The following NAALADL2 variants were observed in gnomAD, a reference collection of about 807,000 sequenced individuals.
The protein encoded by NAALADL2 is inactive N-acetylated-alpha-linked acidic dipeptidase-like protein 2.
In NAALADL2, 76 loss-of-function variants were observed where a neutral mutation model predicts 87.2. The observed-to-expected ratio is 0.87, with a 90% CI of 0.72 to 1.05. The LOEUF (loss-of-function observed/expected upper bound fraction) is 1.05. Among genes scored for constraint, NAALADL2 ranks in the 50% least tolerant of loss-of-function variants. The pLI is 0.00. For missense variants in NAALADL2, 1,089 were observed against 945.8 expected (o/e 1.15, Z -1.99); for synonymous variants, 354 against 331.0 (o/e 1.07, Z -0.75).
At chr3:174,564,949 C>T (rs1235814185) in intron 2 of NAALADL2, among the ~76,000 whole-genome samples, 3 of 151,564 alleles carry the variant, frequency 2.0e-5, no homozygotes, top group Non-Finnish European at 2.9e-5. Flanking sequence ...TTTATTTTTA[C>T]AGTTTTTTTA....
At chr3:175,336,558 G>A (rs1420670163) in intron 5 of NAALADL2, among the ~76,000 whole-genome samples, 1 of 152,220 alleles carries the variant, frequency 6.6e-6, no homozygotes, top group Non-Finnish European at 1.5e-5. Flanking sequence ...GGGCAGGGCT[G>A]ATTAGATCAC....
intron 1 of NAALADL2, among the ~76,000 whole-genome samples, chr3:174,548,334 C>T (rs543013030): frequency 4.6e-5 from 7 of 152,076 alleles, no homozygotes; most frequent in African/African-American, 1.7e-4. Context: ...CAGAATTGGA[C>T]TCACAGTACA....
intron 2 of NAALADL2, among the ~76,000 whole-genome samples, chr3:174,702,388 A>G (rs1729640359): frequency 6.6e-6 from 1 of 152,148 alleles, no homozygotes; most frequent in Non-Finnish European, 1.5e-5. Context: ...CATGACATAA[A>G]TGGGCAATTA....
chr3:175,063,277 T>C lies in NAALADL2; in HGVS notation c.44-33513T>C, dbSNP rs544077296. Among the ~76,000 whole-genome samples, 12 of 152,210 alleles carry C rather than the reference T, an allele frequency of 7.9e-5. No homozygotes were observed. In the South Asian group the frequency reaches 2.5e-3, roughly 32 times the overall value. Reference sequence around the variant, plus strand: ...TTTTTATCGCTTGTTAGTTAAATAGTATTTAAAAATTAAACAATTGATTTG... The same window carrying C: ...TTTTTATCGCTTGTTAGTTAAATAGCATTTAAAAATTAAACAATTGATTTG... On this transcript the variant is annotated intron_variant, in intron 1 of 13. Transcript: ENST00000454872.
At chr3:174,514,212 G>C (rs1263033394) in intron 1 of NAALADL2, among the ~76,000 whole-genome samples, 2 of 151,914 alleles carry the variant, frequency 1.3e-5, no homozygotes, top group Non-Finnish European at 2.9e-5. Context: ...TCCATATTTT[G>C]CCCTTTAATT....
chr3:175,015,931 G>T (rs1050909156), intron 1 of NAALADL2, among the ~76,000 whole-genome samples: 1 of 151,736 alleles, frequency 6.6e-6, no homozygotes, highest in Non-Finnish European at 1.5e-5. Context: ...TTGTTAGTTT[G>T]TTGACATAAA....
At chr3:175,497,272 T>C (rs1728951512) in intron 9 of NAALADL2, among the ~76,000 whole-genome samples, 1 of 152,232 alleles carries the variant, frequency 6.6e-6, no homozygotes, top group Non-Finnish European at 1.5e-5. Flanking sequence ...GCTCAGCCCT[T>C]AACTAAAACA....
At chr3:175,265,468 C>G (rs1179464114) in intron 4 of NAALADL2, among the ~76,000 whole-genome samples, 1 of 151,558 alleles carries the variant, frequency 6.6e-6, no homozygotes, top group Non-Finnish European at 1.5e-5. Context: ...ATATATGGCT[C>G]TAAGTTCTCG....
intron 1 of NAALADL2, among the ~76,000 whole-genome samples, chr3:175,073,482 C>T (rs1716027131): frequency 6.6e-6 from 1 of 151,976 alleles, no homozygotes; most frequent in Non-Finnish European, 1.5e-5. Flanking sequence ...GAGAGGTTAC[C>T]ACGGTTACCT....
chr3:175,292,240 A>T (rs924734490), intron 4 of NAALADL2, among the ~76,000 whole-genome samples: 7 of 152,202 alleles, frequency 4.6e-5, no homozygotes, highest in Non-Finnish European at 8.8e-5. Flanking sequence ...CATGAACAAA[A>T]ATGAAAAGCA....
intron 2 of NAALADL2, among the ~76,000 whole-genome samples, chr3:174,713,933 G>C (rs952362875): frequency 6.6e-6 from 1 of 151,976 alleles, no homozygotes; most frequent in African/African-American, 2.4e-5. Context: ...TATGGTTTTA[G>C]GTCTAACATT....
chr3:175,126,758 T>A (rs2108600337), intron 2 of NAALADL2, among the ~76,000 whole-genome samples: 1 of 151,892 alleles, frequency 6.6e-6, no homozygotes, highest in South Asian at 2.1e-4. Context: ...GGTAAACACA[T>A]AAATATTTGC....
chr3:174,907,161 G>C (rs970748975), intron 1 of NAALADL2, among the ~76,000 whole-genome samples: 5 of 151,954 alleles, frequency 3.3e-5, no homozygotes, highest in African/African-American at 1.2e-4. Context: ...TACCTTTCTA[G>C]TACTTAGATC....
intron 3 of NAALADL2, among the ~76,000 whole-genome samples, chr3:175,252,819 A>T (rs1749288764): frequency 6.6e-6 from 1 of 152,214 alleles, no homozygotes; most frequent in African/African-American, 2.4e-5. Flanking sequence ...AGTGATCAGG[A>T]TAGAAGATCA....
intron 11 of NAALADL2, among the ~76,000 whole-genome samples, chr3:175,643,238 C>T (rs2149765785): frequency 6.6e-6 from 1 of 152,258 alleles, no homozygotes; most frequent in South Asian, 2.1e-4. Context: ...ATGCATAATG[C>T]ATAAATATAC....
chr3:174,889,463 TC>T (rs1249773475), intron 1 of NAALADL2, among the ~76,000 whole-genome samples: 3 of 152,152 alleles, frequency 2.0e-5, no homozygotes, highest in Non-Finnish European at 4.4e-5. Context: ...CTGCTTCCTC[TC>T]CTGCTGGACG....
chr3:175,465,473 C>CTTTTTTTTTTTTTTTTT lies in NAALADL2; in HGVS notation c.1328-1503_1328-1487dup, dbSNP rs71164634. On this transcript the variant is annotated intron_variant, in intron 7 of 13. Transcript: ENST00000454872. ...ACACTATGTATACCATGAATTAAAT[C>CTTTTTTTTTTTTTTTTT]TTTTTTTTTTTTTTTTTTTGAGATG... 1.2e-3 allele frequency among the ~76,000 whole-genome samples: 133 copies of CTTTTTTTTTTTTTTTTT among 106,730 alleles called. 5 individuals carry two copies. The highest frequency in any genetic ancestry group is 4.5e-3 in the African/African-American group (119 of 26,440). 70.0% of individuals were successfully genotyped at this position (106,730 alleles called of 152,430 possible). A position where few individuals can be genotyped will look rare whatever the true frequency, so the allele number is the denominator to read the frequency against.
At chr3:175,068,311 G>C (rs915917207) in intron 1 of NAALADL2, among the ~76,000 whole-genome samples, 6 of 152,000 alleles carry the variant, frequency 3.9e-5, no homozygotes, top group African/African-American at 1.4e-4. Flanking sequence ...CACAGGAATG[G>C]ATGATTTTTA....
chr3:174,894,594 C>CAAAAAAAAAAA lies in NAALADL2; in HGVS notation c.43+35183_43+35193dup, dbSNP rs869161862. Among the ~76,000 whole-genome samples, 21 of 48,468 alleles carry CAAAAAAAAAAA rather than the reference C, an allele frequency of 4.3e-4. 1 individual carries two copies. Among genetic ancestry groups the CAAAAAAAAAAA allele is most frequent in the Non-Finnish European group, 6.6e-4 (19 of 28,726 alleles). The allele number at this position is 48,468 out of a possible 152,430, so 31.8% of individuals were successfully genotyped here. ...GGGCAAAAAGAGTGAAACTCCGTCT[C>CAAAAAAAAAAA]AAAAAAAAAAAAAAAAAAAAAAAAA... On this transcript the variant is annotated intron_variant, in intron 1 of 13. Transcript: ENST00000454872.
Sources: allele counts gnomAD v4.1 joint callset (sites outside exome capture counted in the v4.1 genomes callset), GRCh38; gene constraint gnomAD v4.1.1; transcripts MANE v1.5; gene names NCBI Gene and HGNC (gene_info 2026-07-23, HGNC 2026-07-21).